ALCAM: variants seen among roughly 807,000 people sequenced by gnomAD.
ALCAM encodes CD166 antigen.
A neutral mutation model predicts 70.9 loss-of-function variants in ALCAM; 30 were observed. The observed-to-expected ratio is 0.42, with a 90% CI of 0.32 to 0.57. ALCAM has a LOEUF of 0.57. Ranked by LOEUF, ALCAM falls within the 20% of genes least tolerant of loss-of-function variation. The probability of loss-of-function intolerance (pLI) is 0.11; values close to 1 mark genes in which losing one functional copy is unlikely to be tolerated. For synonymous variants in ALCAM, 249 were observed against 242.5 expected (o/e 1.03, Z -0.25); for missense variants, 591 against 695.1 (o/e 0.85, Z 1.68).
rs1055650282 is a variant in ALCAM, at chr3:105,568,036, A to AT, written c.1665-3808dup. Among the ~76,000 whole-genome samples, 52 of 140,442 alleles carry AT rather than the reference A, an allele frequency of 3.7e-4. No individual in the cohort carries two copies. The East Asian group carries it at 6.4e-3, about 17-fold the overall frequency. The allele number at this position is 140,442 out of a possible 152,430, so 92.1% of individuals were successfully genotyped here. On this transcript the variant is annotated intron_variant, in intron 14 of 15. Coordinates refer to ENST00000306107, the MANE Select transcript of ALCAM (RefSeq NM_001627.4). ...GATGAATGTCTAGTTCTTTTATTTT[A>AT]TTTTTTTTATTATTTTATTTTATTT...
chr3:105,493,880 C>CA (rs1278558453), intron 1 of ALCAM, among the ~76,000 whole-genome samples: 2 of 152,128 alleles, frequency 1.3e-5, no homozygotes, highest in Admixed American at 1.3e-4. Context: ...TTTTTGGCCT[C>CA]ACAACAACTC....
At chr3:105,420,305 G>A (rs1217039750) in intron 1 of ALCAM, among the ~76,000 whole-genome samples, 1 of 151,200 alleles carries the variant, frequency 6.6e-6, no homozygotes, top group Non-Finnish European at 1.5e-5. Context: ...ATAGAATTCT[G>A]CAAATGAAAT....
chr3:105,450,454 C>T (rs1339211850), intron 1 of ALCAM, among the ~76,000 whole-genome samples: 2 of 152,170 alleles, frequency 1.3e-5, no homozygotes, highest in African/African-American at 4.8e-5. Context: ...CACTCCTTAG[C>T]ATTCTCAGAG....
At chr3:105,394,507 C>G (rs552622471) in intron 1 of ALCAM, among the ~76,000 whole-genome samples, 2 of 152,036 alleles carry the variant, frequency 1.3e-5, no homozygotes, top group South Asian at 4.1e-4. Flanking sequence ...TTTACATTTA[C>G]CAAAACTGCA....
chr3:105,433,359 C>T (rs539494236), intron 1 of ALCAM, among the ~76,000 whole-genome samples: 1 of 152,262 alleles, frequency 6.6e-6, no homozygotes, highest in Admixed American at 6.5e-5. Flanking sequence ...ATCCTGAACA[C>T]TATATTGCAT....
intron 1 of ALCAM, among the ~76,000 whole-genome samples, chr3:105,474,274 CT>C (rs1455521229): frequency 2.6e-5 from 4 of 151,754 alleles, no homozygotes; most frequent in Non-Finnish European, 5.9e-5. Context: ...CTGAATAGAA[CT>C]GTTGATATGC....
chr3:105,547,542 G>A lies in ALCAM; in HGVS notation c.1374+19G>A. 1 of 1,603,952 alleles carries A rather than the reference G, an allele frequency of 6.2e-7. No individual in the cohort carries two copies. On this transcript the variant is annotated intron_variant, in intron 11 of 15. Coordinates refer to ENST00000306107, the MANE Select transcript of ALCAM (RefSeq NM_001627.4). ...AAACCAAGCAAGTATTTGTCTTCTTGTTATATGCTGCACTTCGTCCAATGC... is the reference window on the plus strand; with the variant it reads ...AAACCAAGCAAGTATTTGTCTTCTTATTATATGCTGCACTTCGTCCAATGC...
intron 1 of ALCAM, among the ~76,000 whole-genome samples, chr3:105,405,645 A>G (rs527257255): frequency 1.3e-5 from 2 of 152,346 alleles, no homozygotes; most frequent in East Asian, 3.9e-4. Context: ...GACAGATGAT[A>G]TAATAGGCCA....
intron 1 of ALCAM, among the ~76,000 whole-genome samples, chr3:105,372,161 G>A (rs1169338488): frequency 2.0e-5 from 3 of 152,028 alleles, no homozygotes; most frequent in Non-Finnish European, 4.4e-5. Context: ...TCCTTGTGGA[G>A]AGTAAATTCA....
chr3:105,473,240 T>A (rs2152604125), intron 1 of ALCAM, among the ~76,000 whole-genome samples: 1 of 151,768 alleles, frequency 6.6e-6, no homozygotes, highest in African/African-American at 2.4e-5. Flanking sequence ...ATAAGAGTTT[T>A]AATTTGCAGT....
At chr3:105,547,357 G>A in intron 10 of ALCAM, 33 bp from the exon 11 acceptor site, 1 of 1,591,638 alleles carries the variant, frequency 6.3e-7, no homozygotes, top group Non-Finnish European at 8.5e-7. Flanking sequence ...TATGATCTCA[G>A]TTCAACATCT....
chr3:105,522,226 A>G (rs1410048288), intron 2 of ALCAM, among the ~76,000 whole-genome samples: 2 of 152,204 alleles, frequency 1.3e-5, no homozygotes, highest in East Asian at 3.8e-4. Context: ...TAGTTCAGCA[A>G]AAGTCTTCAG....
chr3:105,432,482 A>G (rs928440184), intron 1 of ALCAM, among the ~76,000 whole-genome samples: 3 of 152,042 alleles, frequency 2.0e-5, no homozygotes, highest in Admixed American at 6.6e-5. Flanking sequence ...TGAGCTTCAG[A>G]TCCTCCAGGA....
chr3:105,532,160 C>A, intron 4 of ALCAM, 94 bp downstream of exon 4: 1 of 1,093,582 alleles, frequency 9.1e-7, no homozygotes, highest in Non-Finnish European at 1.4e-6. Flanking sequence ...AAAGGCTTTG[C>A]TCTTGTGGAG....
At chr3:105,516,589 C>G (rs1357661127) in intron 1 of ALCAM, among the ~76,000 whole-genome samples, 2 of 151,866 alleles carry the variant, frequency 1.3e-5, no homozygotes, top group Non-Finnish European at 2.9e-5. Context: ...TTAAAAATGC[C>G]TAAATAATTA....
At chr3:105,485,659 G>T (rs1938407887) in intron 1 of ALCAM, among the ~76,000 whole-genome samples, 1 of 151,880 alleles carries the variant, frequency 6.6e-6, no homozygotes, top group African/African-American at 2.4e-5. Context: ...TTATGTTAAT[G>T]AAATTATATA....
chr3:105,442,952 C>T (rs1330586308), intron 1 of ALCAM, among the ~76,000 whole-genome samples: 5 of 152,074 alleles, frequency 3.3e-5, no homozygotes, highest in Non-Finnish European at 7.4e-5. Flanking sequence ...ACTTGAGCCC[C>T]CTGAGTAGCT....
In ALCAM at chr3:105,545,352, G is replaced by A; in HGVS notation, c.1104+17G>A. ...TGGATGAAAGTAAGTAATATTTTTG[G>A]TACTACCCTGCTGTTTGGTTTGATT... On this transcript the variant is annotated intron_variant, in intron 9 of 15. Transcript: ENST00000306107. The A allele has an allele frequency of 1.3e-6, 2 of 1,552,670 alleles. No individual in the cohort carries two copies. Among genetic ancestry groups the A allele is most frequent in the Non-Finnish European group, 1.8e-6 (2 of 1,126,164 alleles).
intron 1 of ALCAM, among the ~76,000 whole-genome samples, chr3:105,497,288 C>T (rs1300823785): frequency 1.3e-5 from 2 of 152,134 alleles, no homozygotes; most frequent in African/African-American, 4.8e-5. Flanking sequence ...GAGAAGACTT[C>T]CCCAGCCATT....
Sources: gnomAD v4.1 joint callset for allele counts (sites outside exome capture counted in the v4.1 genomes callset) on GRCh38, gnomAD v4.1.1 for gene constraint, MANE v1.5 for transcripts, NCBI Gene and HGNC (gene_info 2026-07-23, HGNC 2026-07-21) for gene names.